The following CAPN3 variants were observed in gnomAD, a reference collection of about 807,000 sequenced individuals.
CAPN3 encodes the protein calpain 3.
Under a neutral mutation model 114.0 loss-of-function variants are expected in CAPN3, and 88 were observed. The observed-to-expected ratio is 0.77, with a 90% CI of 0.65 to 0.92. The LOEUF is 0.92. Ranked by LOEUF, CAPN3 falls within the 40% of genes least tolerant of loss-of-function variation. The pLI is 0.00. For missense variants in CAPN3, 1,028 were observed against 1,069.0 expected, an observed-to-expected ratio of 0.96 and a Z score of 0.53; for synonymous variants, 386 against 382.9, an observed-to-expected ratio of 1.01 and a Z score of -0.09.
intron 6 of CAPN3, 112 bp from the exon 7 acceptor site, chr15:42,392,527 G>A (rs1284940626): frequency 1.3e-6 from 1 of 787,036 alleles, no homozygotes; most frequent in Non-Finnish European, 2.2e-6. Flanking sequence ...AGGGAGCAGA[G>A]TGGTCTGTGT....
At chr15:42,398,628 CACACACATATATAT>C (rs1248511612) in intron 9 of CAPN3, among the ~76,000 whole-genome samples, 15 of 131,970 alleles carry the variant, frequency 1.1e-4, no homozygotes, top group Non-Finnish European at 1.7e-4. Context: ...CACACACACA[CACACACATATATAT>C]ACACACATAT....
chr15:42,403,265 A>C (rs1431056544), intron 13 of CAPN3, among the ~76,000 whole-genome samples: 1 of 152,264 alleles, frequency 6.6e-6, no homozygotes, highest in Non-Finnish European at 1.5e-5. Flanking sequence ...GGAGCTTAAT[A>C]TTCTAACATG....
chr15:42,384,606 G>C, intron 2 of CAPN3, 54 bp downstream of exon 2: 7 of 1,292,396 alleles, frequency 5.4e-6, no homozygotes, highest in South Asian at 1.2e-5. Context: ...GTGATTACAA[G>C]GTGTGATCCC....
chr15:42,386,211 C>T lies in CAPN3; in HGVS notation c.424C>T (p.Gln142Ter), dbSNP rs1342955565. 1 of 1,614,158 alleles carries T rather than the reference C, an allele frequency of 6.2e-7. No individual in the cohort carries two copies. Among genetic ancestry groups the T allele is most frequent in the South Asian group, 1.1e-5 (1 of 91,076 alleles). ...AGCCATTGCCTGCCTGACCCTGAACCAGCACCTTCTTTTCCGAGTCATACC... is the reference window on the plus strand; with the variant it reads ...AGCCATTGCCTGCCTGACCCTGAACTAGCACCTTCTTTTCCGAGTCATACC... ...LAAIACLTLNQHLLFRVIPHD... is the reference protein window; with the variant it reads ...LAAIACLTLN Residue 142 changes from glutamine to a stop codon, truncating the protein, a stop_gained, in exon 3 of 24, where the codon CAG (glutamine) becomes TAG (stop). Coordinates refer to ENST00000397163, the MANE Select transcript of CAPN3 (RefSeq NM_000070.3). LOFTEE classifies it high-confidence loss of function.
chr15:42,405,994 G>C (rs1475324918), intron 15 of CAPN3, 51 bp downstream of exon 15: 2 of 1,462,580 alleles, frequency 1.4e-6, no homozygotes, highest in African/African-American at 2.8e-5. Context: ...GCATATGTAT[G>C]TGCATGCATG....
chr15:42,402,034 G>T (rs906727924), intron 11 of CAPN3, 90 bp from the exon 12 acceptor site: 2 of 1,542,536 alleles, frequency 1.3e-6, no homozygotes, highest in South Asian at 1.1e-5. Flanking sequence ...TCAGGCTTCC[G>T]CATGCGGGCT....
chr15:42,405,603 C>T (rs752937257), intron 14 of CAPN3, among the ~76,000 whole-genome samples: 7 of 152,194 alleles, frequency 4.6e-5, no homozygotes, highest in Non-Finnish European at 7.3e-5. Context: ...TGAGCCAGCA[C>T]GCCCGGCCAC....
chr15:42,402,100 TCTTC>T lies in CAPN3; in HGVS notation c.1525-20_1525-17del. On this transcript the variant is annotated intron_variant, in intron 11 of 23. Transcript: ENST00000397163. ...CTCATCCTCATTCACATCTGAAGCA[TCTTC>T]CTTTCTGTTTCTTCTCAAGGTTCCC... is the stretch of plus-strand genomic sequence containing the variant. 6.2e-7 allele frequency: 1 copy of T among 1,614,062 alleles called. No individual in the cohort carries two copies. The highest frequency in any genetic ancestry group is 8.5e-7 in the Non-Finnish European group (1 of 1,180,002).
At chr15:42,392,348 C>T (rs1016938844) in intron 6 of CAPN3, among the ~76,000 whole-genome samples, 1 of 152,128 alleles carries the variant, frequency 6.6e-6, no homozygotes, top group Admixed American at 6.5e-5. Flanking sequence ...CTAAGGGGTC[C>T]AGAAAGGAGG....
chr15:42,369,221 T>TA (rs2052868761), intron 1 of CAPN3, among the ~76,000 whole-genome samples: 2 of 152,190 alleles, frequency 1.3e-5, no homozygotes, highest in East Asian at 1.9e-4. Flanking sequence ...GAGTTTATCT[T>TA]ACGGTTGGAA....
chr15:42,400,134 C>T (rs892869237), intron 10 of CAPN3, among the ~76,000 whole-genome samples: 3 of 152,086 alleles, frequency 2.0e-5, no homozygotes, highest in Middle Eastern at 3.2e-3. Flanking sequence ...TACGGGTACT[C>T]GAAATCCAGT....
chr15:42,406,688 T>C (rs370028592), intron 15 of CAPN3, among the ~76,000 whole-genome samples: 2 of 152,172 alleles, frequency 1.3e-5, no homozygotes, highest in South Asian at 2.1e-4. Context: ...CCTCTTTCTC[T>C]GATGCCAGCC....
intron 14 of CAPN3, chr15:42,405,100 G>GC (rs2053980762): frequency 1.2e-6 from 1 of 860,644 alleles, no homozygotes; most frequent in East Asian, 1.2e-4. Context: ...AGGGAGCAGG[G>GC]CCCTTGGCTC....
Position 42,410,481 on chromosome 15 carries a change from G to C in CAPN3, c.2169G>C (p.Lys723Asn), listed in dbSNP as rs1428996892. ...AGGAGTTCCACCACCTCTGGAACAA[G>C]ATTAAGGCCTGGCAGGTGGGAAGAG... ...NLQEFHHLWN[K>N]IKAWQKIFKH... The change falls in exon 20 of 24, where the codon AAG (lysine) becomes AAC (asparagine). Residue 723 changes from lysine to asparagine, a missense_variant. Physicochemically the swap from Lys to Asn is moderately conservative, Grantham distance 94. Transcript: ENST00000397163. 1 of 1,614,190 alleles carries C rather than the reference G, an allele frequency of 6.2e-7. No homozygotes were observed. Among genetic ancestry groups the C allele is most frequent in the South Asian group, 1.1e-5 (1 of 91,080 alleles).
intron 2 of CAPN3, 21 bp downstream of exon 2, chr15:42,384,573 A>G (rs1339154696): frequency 1.3e-6 from 2 of 1,535,308 alleles, no homozygotes. Flanking sequence ...GCCTCAGGTC[A>G]GATCCTGCCA....
chr15:42,379,736 A>G (rs933638308), intron 1 of CAPN3, among the ~76,000 whole-genome samples: 1 of 152,178 alleles, frequency 6.6e-6, no homozygotes, highest in Non-Finnish European at 1.5e-5. Context: ...TGAAGTCTGC[A>G]GTTTCTGAAA....
chr15:42,409,667 G>A, intron 17 of CAPN3, 120 bp from the exon 18 acceptor site: 2 of 978,914 alleles, frequency 2.0e-6, no homozygotes, highest in South Asian at 2.6e-5. Flanking sequence ...AGCTTCCCAT[G>A]ACATAATAGC....
chr15:42,410,721 A>C, intron 21 of CAPN3, 55 bp downstream of exon 21: 1 of 1,477,826 alleles, frequency 6.8e-7, no homozygotes, highest in Non-Finnish European at 9.4e-7. Flanking sequence ...GGGAGCAGGA[A>C]TGGGAGGGGA....
Position 42,386,296 on chromosome 15 carries a change from G to T in CAPN3, c.498+11G>T. On this transcript the variant is annotated intron_variant, in intron 3 of 23. Transcript: ENST00000397163. ...ATCTTCCACTTCCAGGTGAGGTAATGAGAGTGTAGTTAAGAGGGCCAGCGG... is the reference window on the plus strand; with the variant it reads ...ATCTTCCACTTCCAGGTGAGGTAATTAGAGTGTAGTTAAGAGGGCCAGCGG... The T allele has an allele frequency of 5.0e-6, 8 of 1,585,782 alleles. No individual in the cohort carries two copies. The highest frequency in any genetic ancestry group is 5.2e-6 in the Non-Finnish European group (6 of 1,154,096).
Sources: gnomAD v4.1 joint callset for allele counts (sites outside exome capture counted in the v4.1 genomes callset) on GRCh38, gnomAD v4.1.1 for gene constraint, MANE v1.5 for transcripts, NCBI Gene and HGNC (gene_info 2026-07-23, HGNC 2026-07-21) for gene names.